The following KCNH2 variants were observed in gnomAD, a reference collection of about 807,000 sequenced individuals.
KCNH2 encodes voltage-gated inwardly rectifying potassium channel KCNH2.
A neutral mutation model predicts 95.9 loss-of-function variants in KCNH2; 35 were observed. The observed-to-expected ratio is 0.37, with a 90% CI of 0.28 to 0.48. KCNH2 has a LOEUF of 0.48. Among genes scored for constraint, KCNH2 ranks in the 20% least tolerant of loss-of-function variants. The pLI is 0.99. For missense variants in KCNH2, 1,274 were observed against 1,702.9 expected (o/e 0.75, Z 4.43); for synonymous variants, 786 against 754.7 (o/e 1.04, Z -0.68).
At chr7:150,947,150 C>G (rs957614475) in intron 13 of KCNH2, 96 bp from the exon 14 acceptor site, 2 of 1,087,458 alleles carry the variant, frequency 1.8e-6, no homozygotes, top group Admixed American at 2.3e-5. Flanking sequence ...GGAGGGGCAG[C>G]CTGTCAACCC....
chr7:150,958,422 C>T lies in KCNH2; in HGVS notation c.553G>A (p.Ala185Thr), dbSNP rs2117006639. Residue 185 changes from alanine to threonine, a missense_variant, in exon 4 of 15, where the codon GCG (alanine) becomes ACG (threonine). Coordinates refer to ENST00000262186, the MANE Select transcript of KCNH2 (RefSeq NM_000238.4). ...GCCCCCGGGGCGCCCGCGCCGCCCG[C>T]GCCGCCCGACCGCACCGACGACTCC... ...ARESSVRSGG[A>T]GGAGAPGAVV... 1 of 1,443,036 alleles carries T rather than the reference C, an allele frequency of 6.9e-7. No homozygotes were observed. Among genetic ancestry groups the T allele is most frequent in the Non-Finnish European group, 9.0e-7 (1 of 1,107,108 alleles). The allele number at this position is 1,443,036 out of a possible 1,614,324, so 89.4% of individuals were successfully genotyped here.
rs1469564925 is a variant in KCNH2 at position 150,947,741 on chromosome 7, C to T, written c.2830G>A (p.Glu944Lys). ...GPSSPESSEDEGPGRSSSPLR... is the reference protein window; with the variant it reads ...GPSSPESSEDKGPGRSSSPLR... Reference sequence around the variant, plus strand: ...GGGCTGGAGCTGCGGCCTGGGCCCTCATCCTCACTGCTCTCAGGGCTGGAG... The same window carrying T: ...GGGCTGGAGCTGCGGCCTGGGCCCTTATCCTCACTGCTCTCAGGGCTGGAG... Residue 944 changes from glutamate to lysine, a missense_variant, in exon 12 of 15, where the codon GAG (glutamate) becomes AAG (lysine). By Grantham distance (56) the Glu-to-Lys change is moderately conservative. Around this residue, in one of 7 missense-constraint regions of KCNH2, gnomAD observed 457 missense variants for 416.1 expected, o/e 1.10. Coordinates refer to ENST00000262186, the MANE Select transcript of KCNH2 (RefSeq NM_000238.4). 6.4e-7 allele frequency: 1 copy of T among 1,554,638 alleles called. No homozygotes were observed. Among genetic ancestry groups the T allele is most frequent in the Non-Finnish European group, 8.7e-7 (1 of 1,153,140 alleles).
intron 2 of KCNH2, among the ~76,000 whole-genome samples, chr7:150,970,915 C>T (rs1422290432): frequency 2.0e-5 from 3 of 152,196 alleles, no homozygotes; most frequent in Admixed American, 6.5e-5. Flanking sequence ...CAATCCCTGT[C>T]CCACCTGCCT....
rs910570553 is a variant in KCNH2, at chr7:150,961,840, A to C, written c.308-2104T>G. Among the ~76,000 whole-genome samples, 7 of 152,236 alleles carry C rather than the reference A, an allele frequency of 4.6e-5. No homozygotes were observed. The highest frequency in any genetic ancestry group is 6.8e-3 in the Middle Eastern group (2 of 294). ...AGGCCAGGTGGGAAGGGCCTGATGC[A>C]TGGCAGATGCTGGCCAGGCTCGGGG... On this transcript the variant is annotated intron_variant, in intron 2 of 14. Transcript: ENST00000262186. The surrounding 1 kb of genome is among the most constrained non-coding windows in gnomAD (Gnocchi z 6.2).
At position 150,945,363 on chromosome 7, in the gene KCNH2, C is replaced by T. The variant is rs1276721678; in HGVS notation, c.*2G>A. The T allele has an allele frequency of 1.9e-6, 3 of 1,586,782 alleles. No homozygotes were observed. The highest frequency in any genetic ancestry group is 2.6e-6 in the Non-Finnish European group (3 of 1,167,924). ...GCCACGTGTCCACACTGGGCAGCCC[C>T]ACTAACTGCCCGGGTCCGAGCCGTG... On this transcript the variant is annotated 3_prime_UTR_variant, in exon 15 of 15. Transcript: ENST00000262186. This position sits in a 1 kb window ranked among gnomAD's most constrained non-coding sequence, Gnocchi z 5.6.
chr7:150,946,978 C>T lies in KCNH2; in HGVS notation c.3229G>A (p.Ala1077Thr), dbSNP rs201382073. ...LQRQMTLVPP[A>T]YSAVTTPGPG... The stretch of plus-strand genomic sequence containing the variant: ...CCCGGGGTGGTCACAGCACTGTAGG[C>T]GGGCGGGACCAGCGTCATCTGCCTC... The change falls in exon 14 of 15, where the codon GCC becomes ACC. Residue 1077 changes from alanine (A) to threonine (T), a missense_variant. Ala to Thr is a moderately conservative substitution (Grantham distance 58). Coordinates refer to ENST00000262186, the MANE Select transcript of KCNH2 (RefSeq NM_000238.4). The surrounding 1 kb of genome is among the most constrained non-coding windows in gnomAD (Gnocchi z 6.5). 2.7e-5 allele frequency: 44 copies of T among 1,609,748 alleles called. 1 individual carries two copies. The highest frequency in any genetic ancestry group is 1.7e-4 in the Middle Eastern group (1 of 6,008).
Position 150,978,284 on chromosome 7 carries a change from G to T in KCNH2, c.-371C>A. 1 of 146,240 alleles carries T rather than the reference G, an allele frequency of 6.8e-6. No individual in the cohort carries two copies. The highest frequency in any genetic ancestry group is 2.1e-4 in the South Asian group (1 of 4,768). 9.1% of individuals were successfully genotyped at this position (146,240 alleles called of 1,614,324 possible). A position where few individuals can be genotyped will look rare whatever the true frequency, so the allele number is the denominator to read the frequency against. ...ACAGCCGCTCCAGCGCCCGCGGCTC[G>T]GGCAGCGCCTGCGGCTCGGCCCGGC... On this transcript the variant is annotated 5_prime_UTR_variant, in exon 1 of 15. Coordinates refer to ENST00000262186, the MANE Select transcript of KCNH2 (RefSeq NM_000238.4).
chr7:150,957,625 G>A (rs1334086730), intron 4 of KCNH2, 123 bp from the exon 5 acceptor site: 1 of 746,704 alleles, frequency 1.3e-6, no homozygotes, highest in African/African-American at 1.7e-5. Context: ...CAGCTCAAGA[G>A]ACCAGGGGAG....
At chr7:150,950,094 C>T in intron 9 of KCNH2, 74 bp downstream of exon 9, 1 of 1,613,162 alleles carries the variant, frequency 6.2e-7, no homozygotes, top group Non-Finnish European at 8.5e-7. Context: ...CCAGTGACTG[C>T]ATATTCAGAA....
Position 150,945,497 on chromosome 7 carries a change from C to T in KCNH2, c.3348G>A (p.Ala1116=), listed in dbSNP as rs376180501. 4.9e-5 allele frequency: 76 copies of T among 1,557,664 alleles called. No homozygotes were observed. Among genetic ancestry groups the T allele is most frequent in the African/African-American group, 4.1e-4 (30 of 72,682 alleles). ...GGGCCCCCGGGGGCAGCTCCTCACACGCCATGAACTGGGAAACCTGCAATA... is the reference window on the plus strand; with the variant it reads ...GGGCCCCCGGGGGCAGCTCCTCACATGCCATGAACTGGGAAACCTGCAATA... ...DSLSQVSQFM[A]CEELPPGAPE... Residue 1116 remains alanine (A), a synonymous_variant, in exon 15 of 15, where the codon GCG becomes GCA. Coordinates refer to ENST00000262186, the MANE Select transcript of KCNH2 (RefSeq NM_000238.4). The surrounding 1 kb of genome is among the most constrained non-coding windows in gnomAD (Gnocchi z 5.6).
chr7:150,955,578 A>G (rs1801343532), intron 5 of KCNH2: 2 of 1,476,364 alleles, frequency 1.4e-6, no homozygotes, highest in Admixed American at 2.3e-5. Context: ...GCACCCCAGC[A>G]GCAGTCCCAG....
chr7:150,949,408 A>ATTTTTTTTTTTTTTTTTTTTTTTT (rs1035990140), intron 9 of KCNH2: 1 of 346,788 alleles, frequency 2.9e-6, no homozygotes, highest in Non-Finnish European at 3.9e-6. Flanking sequence ...CAAAACCAGC[A>ATTTTTTTTTTTTTTTTTTTTTTTT]TTTTTTTTTT....
intron 2 of KCNH2, 82 bp from the exon 3 acceptor site, chr7:150,959,818 C>T: frequency 6.6e-7 from 1 of 1,512,162 alleles, no homozygotes; most frequent in Non-Finnish European, 9.1e-7. Flanking sequence ...CCCTGGAACC[C>T]AAGTGGGCCC....
Position 150,958,445 on chromosome 7 carries a change from T to G in KCNH2, c.530A>C (p.Glu177Ala), listed in dbSNP as rs1801461414. The change falls in exon 4 of 15, where the codon GAG becomes GCG. Residue 177 changes from glutamate to alanine, a missense_variant. By Grantham distance (107) the Glu-to-Ala change is moderately radical. Around this residue, in one of 7 missense-constraint regions of KCNH2, gnomAD observed 392 missense variants for 429.9 expected, o/e 0.91. Coordinates refer to ENST00000262186, the MANE Select transcript of KCNH2 (RefSeq NM_000238.4). ...CGCGCCGCCCGACCGCACCGACGAC[T>G]CCCGGGCCGTCAGCGCCAGCAGCGC... ...LPALLALTAR[E>A]SSVRSGGAGG... 6.8e-7 allele frequency: 1 copy of G among 1,465,692 alleles called. No individual in the cohort carries two copies. The highest frequency in any genetic ancestry group is 1.5e-5 in the African/African-American group (1 of 68,030). 90.8% of individuals were successfully genotyped at this position (1,465,692 alleles called of 1,614,324 possible). A position where few individuals can be genotyped will look rare whatever the true frequency, so the allele number is the denominator to read the frequency against.
intron 2 of KCNH2, among the ~76,000 whole-genome samples, chr7:150,969,671 A>G (rs573379428): frequency 6.8e-4 from 104 of 152,332 alleles, no homozygotes; most frequent in Non-Finnish European, 1.2e-3. Context: ...CTCGCTGTGC[A>G]CTGAGCACGC....
intron 2 of KCNH2, among the ~76,000 whole-genome samples, chr7:150,970,632 G>T (rs1276004791): frequency 3.9e-5 from 6 of 152,170 alleles, no homozygotes; most frequent in Non-Finnish European, 8.8e-5. Flanking sequence ...GTGGAGGGAA[G>T]GTGCTGCAGG....
chr7:150,958,348 C>G lies in KCNH2; in HGVS notation c.627G>C (p.Ser209=). The change falls in exon 4 of 15, where the codon TCG becomes TCC. Residue 209 remains serine, a synonymous_variant. Coordinates refer to ENST00000262186, the MANE Select transcript of KCNH2 (RefSeq NM_000238.4). ...DLTPAAPSSE[S]LALDEVTAMD... ...TGGCTGTCACTTCGTCCAGGGCCAGCGACTCGCTGCTGGGTGCCGCGGGCG... is the reference window on the plus strand; with the variant it reads ...TGGCTGTCACTTCGTCCAGGGCCAGGGACTCGCTGCTGGGTGCCGCGGGCG... 6.7e-7 allele frequency: 1 copy of G among 1,488,074 alleles called. No individual in the cohort carries two copies. Among genetic ancestry groups the G allele is most frequent in the Middle Eastern group, 2.0e-4 (1 of 5,002 alleles). The allele number at this position is 1,488,074 out of a possible 1,614,324, so 92.2% of individuals were successfully genotyped here. A position where few individuals can be genotyped will look rare whatever the true frequency, so the allele number is the denominator to read the frequency against.
chr7:150,966,394 C>A (rs1312491613), intron 2 of KCNH2, among the ~76,000 whole-genome samples: 4 of 16,710 alleles, frequency 2.4e-4, no homozygotes, highest in Admixed American at 9.1e-4. Context: ...CCCCCCCCCA[C>A]ACACACACAC....
At chr7:150,966,394 C>G (rs1312491613) in intron 2 of KCNH2, among the ~76,000 whole-genome samples, 4 of 16,722 alleles carry the variant, frequency 2.4e-4, no homozygotes, top group Middle Eastern at 0.067. Flanking sequence ...CCCCCCCCCA[C>G]ACACACACAC....
Sources: allele counts gnomAD v4.1 joint callset (sites outside exome capture counted in the v4.1 genomes callset), GRCh38; gene constraint gnomAD v4.1.1; regional missense constraint gnomAD v4.1.1; non-coding constraint Gnocchi (gnomAD v3.1); transcripts MANE v1.5; gene names NCBI Gene and HGNC (gene_info 2026-07-23, HGNC 2026-07-21).